ARL15: variants seen among roughly 807,000 people sequenced by gnomAD.
ARL15 encodes the protein ARF like GTPase 15, also known as ADP-ribosylation factor-like protein 15.
ARL15 carries 19 observed loss-of-function variants against 25.2 expected under a neutral mutation model. That is an observed-to-expected ratio of 0.75 (90% CI 0.53 to 1.10). The LOEUF (loss-of-function observed/expected upper bound fraction) is 1.10, where lower values mean the gene tolerates loss of function less well. ARL15 is among the 50% of genes least tolerant of loss of function. The pLI is 0.00. For missense variants in ARL15, 220 were observed against 246.0 expected (o/e 0.89, Z 0.71); for synonymous variants, 94 against 86.8 (o/e 1.08, Z -0.46).
chr5:54,130,725 A>G (rs1243611235), intron 3 of ARL15, among the ~76,000 whole-genome samples: 2 of 152,224 alleles, frequency 1.3e-5, no homozygotes, highest in East Asian at 1.9e-4. Context: ...TGGGAAATAT[A>G]GAATTGATTT....
chr5:53,948,958 G>A (rs1746850466), intron 4 of ARL15, among the ~76,000 whole-genome samples: 1 of 152,160 alleles, frequency 6.6e-6, no homozygotes, highest in African/African-American at 2.4e-5. Flanking sequence ...TACCTTCACT[G>A]CCATTCTGAA....
chr5:54,081,160 C>A (rs886160906), intron 4 of ARL15, among the ~76,000 whole-genome samples: 4 of 152,088 alleles, frequency 2.6e-5, no homozygotes, highest in East Asian at 1.9e-4. Context: ...TAACTTAAAT[C>A]AAAAATTATG....
intron 4 of ARL15, among the ~76,000 whole-genome samples, chr5:54,046,454 C>T (rs1013267007): frequency 9.2e-5 from 14 of 152,160 alleles, no homozygotes; most frequent in African/African-American, 3.1e-4. Flanking sequence ...GCACTCCAGC[C>T]TGGGCACGAG....
intron 2 of ARL15, among the ~76,000 whole-genome samples, chr5:54,164,611 T>G (rs540110170): frequency 1.3e-5 from 2 of 152,236 alleles, no homozygotes; most frequent in South Asian, 4.1e-4. Flanking sequence ...CATTATGAAC[T>G]TCTTTATCCC....
chr5:53,890,263 T>C (rs749293901), intron 4 of ARL15, among the ~76,000 whole-genome samples: 28 of 152,206 alleles, frequency 1.8e-4, no homozygotes, highest in Admixed American at 5.2e-4. Context: ...TTTTAAAGAA[T>C]AGTGTTTAAC....
chr5:54,039,731 G>T (rs999367508), intron 4 of ARL15, among the ~76,000 whole-genome samples: 1 of 148,956 alleles, frequency 6.7e-6, no homozygotes, highest in African/African-American at 2.5e-5. Flanking sequence ...GAACCCGGGA[G>T]GTGGAGGTTG....
chr5:54,011,909 T>C (rs913169493), intron 4 of ARL15, among the ~76,000 whole-genome samples: 3 of 151,968 alleles, frequency 2.0e-5, no homozygotes, highest in African/African-American at 7.2e-5. Context: ...CTGGGGAGGC[T>C]GTGGCAAGAG....
intron 3 of ARL15, among the ~76,000 whole-genome samples, chr5:54,120,212 TAA>T (rs1282331792): frequency 6.6e-6 from 1 of 152,208 alleles, no homozygotes; most frequent in African/African-American, 2.4e-5. Flanking sequence ...GTGGCTTGAG[TAA>T]AGTTATTAGC....
At chr5:54,160,868 CT>C (rs1754382942) in intron 2 of ARL15, among the ~76,000 whole-genome samples, 2 of 152,224 alleles carry the variant, frequency 1.3e-5, no homozygotes, top group East Asian at 3.9e-4. Flanking sequence ...AAGGTAGATT[CT>C]CTTTTCGAAT....
intron 4 of ARL15, among the ~76,000 whole-genome samples, chr5:54,077,903 T>C (rs1311512538): frequency 6.6e-6 from 1 of 152,214 alleles, no homozygotes; most frequent in African/African-American, 2.4e-5. Context: ...TTCTGGGACC[T>C]TAAGACGCCA....
At chr5:53,917,522 TAA>T (rs1190500716) in intron 4 of ARL15, among the ~76,000 whole-genome samples, 1 of 152,218 alleles carries the variant, frequency 6.6e-6, no homozygotes, top group Non-Finnish European at 1.5e-5. Flanking sequence ...ACATAAAATC[TAA>T]AGTCTCTGCC....
chr5:54,168,007 C>T (rs1754623281), intron 2 of ARL15, among the ~76,000 whole-genome samples: 1 of 152,144 alleles, frequency 6.6e-6, no homozygotes, highest in Non-Finnish European at 1.5e-5. Context: ...CCATATTTGA[C>T]TTAAAGGATA....
intron 3 of ARL15, among the ~76,000 whole-genome samples, chr5:54,117,539 C>T (rs1013299397): frequency 6.6e-6 from 1 of 152,028 alleles, no homozygotes; most frequent in Admixed American, 6.5e-5. Context: ...TCCCTTAATA[C>T]GGCAGTAAAA....
At chr5:54,135,267 T>A (rs191013279) in intron 3 of ARL15, among the ~76,000 whole-genome samples, 2 of 152,170 alleles carry the variant, frequency 1.3e-5, no homozygotes, top group Non-Finnish European at 2.9e-5. Flanking sequence ...ATTCGTGTTG[T>A]TGGCATGAAA....
At chr5:54,113,057 T>C in intron 4 of ARL15, 145 bp downstream of exon 4, 1 of 780,998 alleles carries the variant, frequency 1.3e-6, no homozygotes, top group East Asian at 2.7e-5. Context: ...TGATATAGGC[T>C]TTCTGCTTCC....
intron 4 of ARL15, among the ~76,000 whole-genome samples, chr5:54,074,026 T>A (rs1195970526): frequency 6.6e-6 from 1 of 152,024 alleles, no homozygotes; most frequent in African/African-American, 2.4e-5. Flanking sequence ...AAAACCAGAG[T>A]GGAACTATTT....
At chr5:54,299,948 A>G (rs1382138356) in intron 1 of ARL15, among the ~76,000 whole-genome samples, 1 of 152,166 alleles carries the variant, frequency 6.6e-6, no homozygotes, top group Non-Finnish European at 1.5e-5. Flanking sequence ...TACCTATGTG[A>G]AATCTCAAGT....
At chr5:54,173,352 A>G (rs1026770393) in intron 1 of ARL15, among the ~76,000 whole-genome samples, 3 of 152,064 alleles carry the variant, frequency 2.0e-5, no homozygotes, top group African/African-American at 7.2e-5. Context: ...TGAATGATTC[A>G]TGAGAGAAAG....
chr5:54,189,512 T>C (rs1755335871), intron 1 of ARL15, among the ~76,000 whole-genome samples: 1 of 152,164 alleles, frequency 6.6e-6, no homozygotes, highest in Non-Finnish European at 1.5e-5. Flanking sequence ...TCAAATGATT[T>C]TGGGCAAGGG....
Sources: gnomAD v4.1 joint callset for allele counts (sites outside exome capture counted in the v4.1 genomes callset) on GRCh38, gnomAD v4.1.1 for gene constraint, MANE v1.5 for transcripts, NCBI Gene and HGNC (gene_info 2026-07-23, HGNC 2026-07-21) for gene names.